Variants in MTMR6 observed in about 807,000 individuals in gnomAD.
The protein encoded by MTMR6 is phosphatidylinositol-3,5-bisphosphate 3-phosphatase MTMR6.
In MTMR6, 47 loss-of-function variants were observed where a neutral mutation model predicts 80.1. The ratio of observed to expected loss-of-function variants is 0.59; its 90% CI spans 0.46 to 0.75. The LOEUF (loss-of-function observed/expected upper bound fraction) is 0.75, where lower values mean the gene tolerates loss of function less well. Among genes scored for constraint, MTMR6 ranks in the 30% least tolerant of loss-of-function variants. The pLI is 0.00. For missense variants in MTMR6, 629 were observed against 730.9 expected (o/e 0.86, Z 1.61); for synonymous variants, 254 against 253.0 (o/e 1.00, Z -0.04).
At chr13:25,250,921 T>A (rs916342577) in intron 13 of MTMR6, among the ~76,000 whole-genome samples, 14 of 152,202 alleles carry the variant, frequency 9.2e-5, no homozygotes, top group African/African-American at 3.4e-4. Context: ...ATATTTTAAG[T>A]CAAGAAAAAC....
chr13:25,283,605 G>C (rs1957903223), intron 1 of MTMR6, among the ~76,000 whole-genome samples: 1 of 152,148 alleles, frequency 6.6e-6, no homozygotes, highest in African/African-American at 2.4e-5. Context: ...CATAACTTTT[G>C]GAATAACTCA....
chr13:25,265,558 G>A (rs1207123377), intron 5 of MTMR6, among the ~76,000 whole-genome samples: 12 of 151,886 alleles, frequency 7.9e-5, no homozygotes, highest in Non-Finnish European at 1.3e-4. Context: ...CCTGGTCAAC[G>A]TGGCAAAACC....
At chr13:25,274,996 A>ACACACACACACACACACC (rs1957685919) in intron 1 of MTMR6, among the ~76,000 whole-genome samples, 1 of 148,158 alleles carries the variant, frequency 6.7e-6, no homozygotes, top group Non-Finnish European at 1.5e-5. Context: ...ACACACACAC[A>ACACACACACACACACACC]CACACACACA....
At position 25,256,125 on chromosome 13, in the gene MTMR6, C is replaced by T. The variant is rs114535387; in HGVS notation, c.1095+1071G>A. ...TCTCAGGCCCTGACCCCACTCTATTCCTCTGCCTCCAAGCCCCCTATTCTA... is the reference window on the plus strand; with the variant it reads ...TCTCAGGCCCTGACCCCACTCTATTTCTCTGCCTCCAAGCCCCCTATTCTA... On this transcript the variant is annotated intron_variant, in intron 9 of 13. Transcript: ENST00000381801. Among the ~76,000 whole-genome samples, 419 of 152,332 alleles carry T rather than the reference C, an allele frequency of 2.8e-3. 3 individuals are homozygous for T. Among genetic ancestry groups the T allele is most frequent in the African/African-American group, 9.6e-3 (401 of 41,578 alleles).
chr13:25,276,530 A>G (rs1457775258), intron 1 of MTMR6, among the ~76,000 whole-genome samples: 1 of 152,220 alleles, frequency 6.6e-6, no homozygotes, highest in Non-Finnish European at 1.5e-5. Context: ...CTCCAATTAT[A>G]AACCTCAAGT....
At chr13:25,272,434 T>A (rs1957599964) in intron 2 of MTMR6, among the ~76,000 whole-genome samples, 1 of 152,202 alleles carries the variant, frequency 6.6e-6, no homozygotes, top group Admixed American at 6.5e-5. Flanking sequence ...TTTATTTGTT[T>A]TCTTGAATAA....
chr13:25,267,249 A>G (rs969050118), intron 3 of MTMR6, among the ~76,000 whole-genome samples: 3 of 150,670 alleles, frequency 2.0e-5, no homozygotes, highest in African/African-American at 7.3e-5. Context: ...TCCATCTCAA[A>G]AAAAAAAAAA....
At position 25,251,209 on chromosome 13, in the gene MTMR6, T is replaced by C. The variant is rs1217234774; in HGVS notation, c.1605+440A>G. 6.6e-6 allele frequency among the ~76,000 whole-genome samples: 1 copy of C among 151,904 alleles called. No individual in the cohort carries two copies. The highest frequency in any genetic ancestry group is 1.5e-5 in the Non-Finnish European group (1 of 67,966). ...TTTTTTGTTATTTTTTTAGTAGAGA[T>C]GGGGTTTCACTGTGCTGACCAGGCT... On this transcript the variant is annotated intron_variant, in intron 13 of 13. Transcript: ENST00000381801. The surrounding 1 kb of genome is among the most constrained non-coding windows in gnomAD (Gnocchi z 4.1).
chr13:25,285,389 G>GC (rs5802323), intron 1 of MTMR6, among the ~76,000 whole-genome samples: 976 of 67,482 alleles, frequency 0.014, 84 homozygotes, highest in African/African-American at 0.034. Context: ...ATTCTTTTCC[G>GC]CCCCCCCCCC....
chr13:25,274,977 C>CACACACACAT (rs1205334187), intron 1 of MTMR6, among the ~76,000 whole-genome samples: 21 of 145,426 alleles, frequency 1.4e-4, no homozygotes, highest in African/African-American at 5.6e-4. Flanking sequence ...CACACACACA[C>CACACACACAT]ACACACACAC....
chr13:25,267,182 G>A (rs1957475742), intron 3 of MTMR6, among the ~76,000 whole-genome samples: 1 of 151,024 alleles, frequency 6.6e-6, no homozygotes, highest in Non-Finnish European at 1.5e-5. Flanking sequence ...GGGAGGCGGA[G>A]GTTGCAGTGA....
intron 6 of MTMR6, among the ~76,000 whole-genome samples, chr13:25,259,182 T>A (rs536052734): frequency 2.5e-4 from 38 of 152,272 alleles, no homozygotes; most frequent in African/African-American, 8.4e-4. Context: ...TGAGGGAGAT[T>A]ATATGAGAGA....
intron 1 of MTMR6, 111 bp downstream of exon 1, chr13:25,287,113 T>C: frequency 6.8e-6 from 10 of 1,472,244 alleles, no homozygotes; most frequent in Non-Finnish European, 9.2e-6. Flanking sequence ...GGGCCGGGTC[T>C]CCGCCGGGCC....
At chr13:25,279,766 G>A (rs1414601212) in intron 1 of MTMR6, among the ~76,000 whole-genome samples, 1 of 151,996 alleles carries the variant, frequency 6.6e-6, no homozygotes, top group Non-Finnish European at 1.5e-5. Context: ...TCACTAATGG[G>A]AATAGGGAAA....
intron 2 of MTMR6, among the ~76,000 whole-genome samples, chr13:25,270,048 T>C (rs150162622): frequency 6.6e-6 from 1 of 152,336 alleles, no homozygotes; most frequent in East Asian, 1.9e-4. Flanking sequence ...ATATTTGCAT[T>C]ATACTTATCA....
chr13:25,266,439 AATG>A (rs1180646447), intron 3 of MTMR6, among the ~76,000 whole-genome samples, 153 bp from the exon 4 acceptor site: 1 of 152,254 alleles, frequency 6.6e-6, no homozygotes, highest in Non-Finnish European at 1.5e-5. Context: ...TCAGTATGCA[AATG>A]ATTATACCTA....
In MTMR6 at chr13:25,267,711, TTAAA is replaced by T. The variant is rs1301762493; in HGVS notation, c.304+64_304+67del. 3.5e-6 allele frequency: 5 copies of T among 1,446,496 alleles called. No individual in the cohort carries two copies. In the Admixed American group the frequency reaches 6.3e-5, roughly 18 times the overall value. The allele number at this position is 1,446,496 out of a possible 1,614,324, so 89.6% of individuals were successfully genotyped here. A position where few individuals can be genotyped will look rare whatever the true frequency, so the allele number is the denominator to read the frequency against. ...AGGATAAAATAACAATAATAAAACA[TTAAA>T]TAAAGTATCTTAGATAACCCATCTC... On this transcript the variant is annotated intron_variant, in intron 3 of 13. Coordinates refer to ENST00000381801, the MANE Select transcript of MTMR6 (RefSeq NM_004685.5).
At chr13:25,258,249 C>A (rs973224120) in intron 7 of MTMR6, among the ~76,000 whole-genome samples, 5 of 152,046 alleles carry the variant, frequency 3.3e-5, no homozygotes, top group African/African-American at 1.2e-4. Flanking sequence ...AATACAGCAG[C>A]CACTAACCAA....
chr13:25,281,988 G>C (rs1380884471), intron 1 of MTMR6, among the ~76,000 whole-genome samples: 1 of 152,054 alleles, frequency 6.6e-6, no homozygotes, highest in African/African-American at 2.4e-5. Flanking sequence ...CTCAAAAAAA[G>C]CAAAGATTTT....
Sources: gnomAD v4.1 joint callset for allele counts (sites outside exome capture counted in the v4.1 genomes callset) on GRCh38, gnomAD v4.1.1 for gene constraint, Gnocchi (gnomAD v3.1) non-coding constraint, MANE v1.5 for transcripts, NCBI Gene and HGNC (gene_info 2026-07-23, HGNC 2026-07-21) for gene names.